The following KCNK10 variants were observed in gnomAD, a reference collection of about 807,000 sequenced individuals.
The protein encoded by KCNK10 is potassium channel subfamily K member 10.
A neutral mutation model predicts 47.7 loss-of-function variants in KCNK10; 25 were observed. That is an observed-to-expected ratio of 0.52 (90% CI 0.38 to 0.73). KCNK10 has a LOEUF of 0.73. Ranked by LOEUF, KCNK10 falls within the 30% of genes least tolerant of loss-of-function variation. The pLI, the probability that KCNK10 is intolerant of heterozygous loss-of-function variation, is 0.00. For synonymous variants in KCNK10, 303 were observed against 285.6 expected (o/e 1.06, Z -0.61); for missense variants, 563 against 714.5 (o/e 0.79, Z 2.42).
intron 4 of KCNK10, among the ~76,000 whole-genome samples, chr14:88,207,492 T>C (rs372135165): frequency 2.0e-5 from 3 of 152,248 alleles, no homozygotes; most frequent in Middle Eastern, 3.4e-3. Flanking sequence ...TCTGTTTATC[T>C]TTTTTTAGAG....
At chr14:88,252,797 T>A (rs1886837155) in intron 2 of KCNK10, among the ~76,000 whole-genome samples, 1 of 152,180 alleles carries the variant, frequency 6.6e-6, no homozygotes, top group African/African-American at 2.4e-5. Flanking sequence ...ATGCAGGCTC[T>A]CTGTATGTCA....
At chr14:88,190,139 C>T (rs1699398523) in intron 5 of KCNK10, among the ~76,000 whole-genome samples, 1 of 152,128 alleles carries the variant, frequency 6.6e-6, no homozygotes, top group African/African-American at 2.4e-5. Context: ...ATAATAAAAG[C>T]ATCACTTAAA....
intron 3 of KCNK10, chr14:88,235,259 C>T: frequency 2.2e-6 from 1 of 456,516 alleles, no homozygotes; most frequent in Non-Finnish European, 4.4e-6. Flanking sequence ...GAAAGCTGGT[C>T]CAGGAATATC....
chr14:88,304,964 G>A (rs564070837), intron 1 of KCNK10, among the ~76,000 whole-genome samples: 5 of 152,284 alleles, frequency 3.3e-5, no homozygotes, highest in South Asian at 2.1e-4. Context: ...TTGGGAGGCC[G>A]AGGCAGGCAG....
intron 2 of KCNK10, among the ~76,000 whole-genome samples, chr14:88,262,217 C>T (rs1887130613): frequency 6.6e-6 from 1 of 152,162 alleles, no homozygotes; most frequent in South Asian, 2.1e-4. Context: ...GAGACTCTCC[C>T]TCACCTCCAT....
rs764738889 is a variant in KCNK10 at position 88,186,249 on chromosome 14, G to A, written c.1012-94C>T. ...CAGCCCTCGGGTGTCCCCACGGGGA[G>A]GCCAGGAGGTGACGGAGCACATGCC... On this transcript the variant is annotated intron_variant, in intron 6 of 6. Transcript: ENST00000319231. The surrounding 1 kb of genome is among the most constrained non-coding windows in gnomAD (Gnocchi z 5.5). The A allele has an allele frequency of 1.2e-4, 168 of 1,418,638 alleles. No individual in the cohort carries two copies. Among genetic ancestry groups the A allele is most frequent in the Non-Finnish European group, 1.5e-4 (165 of 1,068,644 alleles). 87.9% of individuals were successfully genotyped at this position (1,418,638 alleles called of 1,614,324 possible). A position where few individuals can be genotyped will look rare whatever the true frequency, so the allele number is the denominator to read the frequency against.
intron 1 of KCNK10, among the ~76,000 whole-genome samples, chr14:88,283,693 C>T (rs1284791694): frequency 6.6e-6 from 1 of 152,122 alleles, no homozygotes; most frequent in Non-Finnish European, 1.5e-5. Flanking sequence ...AGGTGGATCA[C>T]GAGGTCAAGA....
chr14:88,272,554 C>T (rs1024489741), intron 1 of KCNK10, among the ~76,000 whole-genome samples: 2 of 152,082 alleles, frequency 1.3e-5, no homozygotes, highest in African/African-American at 2.4e-5. Context: ...CTCAGGTCTG[C>T]GTGTCAGGAC....
intron 1 of KCNK10, among the ~76,000 whole-genome samples, chr14:88,318,701 T>A (rs766343008): frequency 2.0e-5 from 3 of 152,032 alleles, no homozygotes; most frequent in Non-Finnish European, 1.5e-5. Context: ...CAAGATCAGA[T>A]CAAGATGGGG....
intron 1 of KCNK10, among the ~76,000 whole-genome samples, chr14:88,301,499 T>A (rs1276200558): frequency 6.6e-6 from 1 of 152,096 alleles, no homozygotes; most frequent in Non-Finnish European, 1.5e-5. Flanking sequence ...AGAGGCATGA[T>A]GCAGAGACTC....
At chr14:88,275,364 C>T (rs1887504594) in intron 1 of KCNK10, among the ~76,000 whole-genome samples, 1 of 152,256 alleles carries the variant, frequency 6.6e-6, no homozygotes. Context: ...ACTTCAGCAT[C>T]CCACACACAA....
At chr14:88,215,033 G>A (rs1187815587) in intron 4 of KCNK10, among the ~76,000 whole-genome samples, 1 of 152,138 alleles carries the variant, frequency 6.6e-6, no homozygotes, top group Non-Finnish European at 1.5e-5. Context: ...TGTGACCTTG[G>A]ACAAGTCACA....
intron 2 of KCNK10, among the ~76,000 whole-genome samples, chr14:88,252,831 G>T (rs1341991968): frequency 1.3e-5 from 2 of 152,186 alleles, no homozygotes; most frequent in East Asian, 3.8e-4. Flanking sequence ...TACAGGAAGA[G>T]GACAGGAGAG....
At chr14:88,283,356 A>C (rs1375737558) in intron 1 of KCNK10, among the ~76,000 whole-genome samples, 1 of 152,182 alleles carries the variant, frequency 6.6e-6, no homozygotes, top group East Asian at 1.9e-4. Flanking sequence ...TTGTGCTTAC[A>C]TGGGCACTTT....
intron 2 of KCNK10, among the ~76,000 whole-genome samples, chr14:88,243,059 T>C (rs1886527177): frequency 6.6e-6 from 1 of 152,264 alleles, no homozygotes; most frequent in African/African-American, 2.4e-5. Context: ...ATGGGGACGA[T>C]GATTTGTTTC....
chr14:88,212,563 G>T (rs1885495219), intron 4 of KCNK10, among the ~76,000 whole-genome samples: 1 of 152,156 alleles, frequency 6.6e-6, no homozygotes, highest in Non-Finnish European at 1.5e-5. Context: ...CAGCACACAT[G>T]TTAAGGAGAC....
chr14:88,219,707 A>C (rs551676614), intron 4 of KCNK10, among the ~76,000 whole-genome samples: 1 of 152,348 alleles, frequency 6.6e-6, no homozygotes, highest in African/African-American at 2.4e-5. Context: ...CAAGAGATGA[A>C]ACATGATTCC....
intron 4 of KCNK10, among the ~76,000 whole-genome samples, chr14:88,222,751 C>G (rs968044807): frequency 2.0e-5 from 3 of 152,064 alleles, no homozygotes; most frequent in Non-Finnish European, 4.4e-5. Flanking sequence ...TTTGTATTTC[C>G]TGATATGAGG....
rs1163487185 is a variant in KCNK10, at chr14:88,185,998, C to T, written c.1169G>A (p.Arg390Gln). 1.2e-6 allele frequency: 2 copies of T among 1,613,530 alleles called. No homozygotes were observed. The highest frequency in any genetic ancestry group is 1.3e-5 in the African/African-American group (1 of 75,010). Residue 390 changes from arginine (R) to glutamine (Q), a missense_variant, in exon 7 of 7, where the codon CGG becomes CAG. Coordinates refer to ENST00000319231, the MANE Select transcript of KCNK10 (RefSeq NM_138317.3). The surrounding 1 kb of genome is among the most constrained non-coding windows in gnomAD (Gnocchi z 4.3). The part of the protein sequence containing the change: ...MERRRLGLDQ[R>Q]AHSLDMLSPE... ...GGACAGCATGTCCAGTGAGTGGGCC[C>T]GCTGGTCCAGGCCCAGCCGCCGGCG...
Sources: gnomAD v4.1 joint callset for allele counts (sites outside exome capture counted in the v4.1 genomes callset) on GRCh38, gnomAD v4.1.1 for gene constraint, Gnocchi (gnomAD v3.1) non-coding constraint, MANE v1.5 for transcripts, NCBI Gene and HGNC (gene_info 2026-07-23, HGNC 2026-07-21) for gene names.